The following COPG2 variants were observed in gnomAD, a reference collection of about 807,000 sequenced individuals.
COPG2 encodes the protein coat protein complex I subunit gamma 2.
A neutral mutation model predicts 46.3 loss-of-function variants in COPG2; 37 were observed. That is an observed-to-expected ratio of 0.80 (90% CI 0.61 to 1.05). The LOEUF (loss-of-function observed/expected upper bound fraction) is 1.05, where lower values mean the gene tolerates loss of function less well. Ranked by LOEUF, COPG2 falls within the 50% of genes least tolerant of loss-of-function variation. The pLI, the probability that COPG2 is intolerant of heterozygous loss-of-function variation, is 0.00. For synonymous variants in COPG2, 159 were observed against 129.7 expected, an observed-to-expected ratio of 1.23 and a Z score of -1.53; for missense variants, 427 against 387.8, an observed-to-expected ratio of 1.10 and a Z score of -0.85.
At chr7:130,631,172 C>CTTTTTTTTTTTTTTTTTT (rs55966949) in intron 5 of COPG2, among the ~76,000 whole-genome samples, 1 of 102,338 alleles carries the variant, frequency 9.8e-6, no homozygotes, top group Non-Finnish European at 2.1e-5. Flanking sequence ...TTTTTCTTTT[C>CTTTTTTTTTTTTTTTTTT]TTTTTTTTTT....
chr7:130,637,445 C>G (rs1795365447), intron 5 of COPG2, among the ~76,000 whole-genome samples: 1 of 152,132 alleles, frequency 6.6e-6, no homozygotes, highest in South Asian at 2.1e-4. Flanking sequence ...CTTCTCTAAT[C>G]TTGTCTTCAC....
chr7:130,651,941 T>C (rs935135833), intron 5 of COPG2, among the ~76,000 whole-genome samples: 8 of 152,174 alleles, frequency 5.3e-5, no homozygotes, highest in Non-Finnish European at 1.5e-5. Flanking sequence ...TGAGCCACCA[T>C]GTCTGGCACA....
At position 130,617,040 on chromosome 7, in the gene COPG2, C is replaced by G; in HGVS notation, c.349G>C (p.Glu117Gln). 1 of 1,610,292 alleles carries G rather than the reference C, an allele frequency of 6.2e-7. No homozygotes were observed. Among genetic ancestry groups the G allele is most frequent in the Non-Finnish European group, 8.5e-7 (1 of 1,177,490 alleles). Residue 117 changes from glutamate to glutamine, a missense_variant, in exon 6 of 24, where the codon GAA becomes CAA. Coordinates refer to ENST00000425248, the MANE Select transcript of COPG2 (RefSeq NM_012133.6). ...SSLTKDMTGK[E>Q]DVYRGPAIRA... ...ATGGCCGGGCCTCGGTATACATCTT[C>G]TTTTCCAGTCATGTCTTTAGTCAGA...
At chr7:130,532,135 C>T (rs972221828) in intron 20 of COPG2, among the ~76,000 whole-genome samples, 5 of 152,126 alleles carry the variant, frequency 3.3e-5, no homozygotes, top group African/African-American at 1.2e-4. Context: ...TTGATGGAGG[C>T]ATCAGGGTCA....
chr7:130,616,621 A>G (rs782636819), intron 6 of COPG2, among the ~76,000 whole-genome samples: 4 of 152,134 alleles, frequency 2.6e-5, no homozygotes, highest in Admixed American at 1.3e-4. Flanking sequence ...TCTGCTGTTG[A>G]ATTCTTAAAG....
At position 130,611,111 on chromosome 7, in the gene COPG2, C is replaced by T; in HGVS notation, c.580-1G>A. ...GATACAGGACTCCCAATGCATGGTA[C>T]TAAAGAACATGAAAAAGAAGGTAGC... On this transcript the variant is annotated splice_acceptor_variant, in intron 8 of 23. Coordinates refer to ENST00000425248, the MANE Select transcript of COPG2 (RefSeq NM_012133.6). LOFTEE classifies it high-confidence loss of function. The T allele has an allele frequency of 6.2e-7, 1 of 1,608,286 alleles. No individual in the cohort carries two copies. Among genetic ancestry groups the T allele is most frequent in the Middle Eastern group, 1.7e-4 (1 of 6,034 alleles).
At chr7:130,649,577 T>A (rs1795695466) in intron 5 of COPG2, among the ~76,000 whole-genome samples, 2 of 152,166 alleles carry the variant, frequency 1.3e-5, no homozygotes, top group Non-Finnish European at 2.9e-5. Flanking sequence ...TTTCCTCTAA[T>A]TCCCAACATT....
At chr7:130,560,375 T>C (rs1793699075) in intron 12 of COPG2, among the ~76,000 whole-genome samples, 1 of 152,090 alleles carries the variant, frequency 6.6e-6, no homozygotes. Context: ...ACCATATTCA[T>C]GAAATAGAAA....
At chr7:130,573,502 G>A (rs1793946667) in intron 9 of COPG2, among the ~76,000 whole-genome samples, 1 of 151,764 alleles carries the variant, frequency 6.6e-6, no homozygotes, top group South Asian at 2.1e-4. Flanking sequence ...ATAATTAAGT[G>A]GCATTAATCA....
At chr7:130,620,314 TTCTGACAGGGAACAA>T (rs1450096229) in intron 5 of COPG2, among the ~76,000 whole-genome samples, 1 of 152,116 alleles carries the variant, frequency 6.6e-6, no homozygotes, top group African/African-American at 2.4e-5. Context: ...CAAGCATACA[TTCTGACAGGGAACAA>T]TCTAGTAAAT....
chr7:130,593,830 C>T (rs1338334434), intron 9 of COPG2, among the ~76,000 whole-genome samples: 1 of 151,862 alleles, frequency 6.6e-6, no homozygotes, highest in Non-Finnish European at 1.5e-5. Context: ...AGCTATAATG[C>T]TTATGGAAAA....
intron 5 of COPG2, chr7:130,645,271 TG>T (rs1354212312): frequency 2.8e-5 from 18 of 648,360 alleles, no homozygotes; most frequent in African/African-American, 1.5e-4. Flanking sequence ...AGATATTACC[TG>T]GGGGGCCACA....
chr7:130,552,685 A>G (rs1793551159), intron 14 of COPG2, among the ~76,000 whole-genome samples: 1 of 152,190 alleles, frequency 6.6e-6, no homozygotes, highest in Admixed American at 6.5e-5. Flanking sequence ...TGTAGGAGCT[A>G]TATCTCCACC....
intron 9 of COPG2, chr7:130,607,583 C>A: frequency 2.2e-6 from 1 of 447,450 alleles, no homozygotes; most frequent in Non-Finnish European, 4.4e-6. Context: ...TTTTATCTTA[C>A]AACTACTGCT....
chr7:130,513,325 A>ATGTGTGTGTGTGTGTGTG (rs1447026285), intron 20 of COPG2, among the ~76,000 whole-genome samples: 1,072 of 50,496 alleles, frequency 0.021, 32 homozygotes, highest in African/African-American at 0.051. Context: ...ATATATATAT[A>ATGTGTGTGTGTGTGTGTG]TATATATATA....
At chr7:130,617,626 G>A (rs1554453081) in intron 5 of COPG2, among the ~76,000 whole-genome samples, 1 of 152,106 alleles carries the variant, frequency 6.6e-6, no homozygotes, top group Non-Finnish European at 1.5e-5. Flanking sequence ...GCTTTAAAGA[G>A]GTTTTTAACC....
chr7:130,622,968 A>C (rs1193328252), intron 5 of COPG2, among the ~76,000 whole-genome samples: 1 of 152,208 alleles, frequency 6.6e-6, no homozygotes, highest in African/African-American at 2.4e-5. Flanking sequence ...AATGACCTCT[A>C]TGAGTACGGT....
intron 5 of COPG2, chr7:130,645,239 T>C: frequency 1.4e-6 from 1 of 697,496 alleles, no homozygotes. Flanking sequence ...GAAAGGCTCT[T>C]GTTCATCCAG....
At chr7:130,655,635 G>A (rs1226078618) in intron 4 of COPG2, among the ~76,000 whole-genome samples, 2 of 150,920 alleles carry the variant, frequency 1.3e-5, no homozygotes, top group Admixed American at 1.3e-4. Context: ...TCATAAATTC[G>A]AGCTTTCCTG....
Sources: gnomAD v4.1 joint callset for allele counts (sites outside exome capture counted in the v4.1 genomes callset) on GRCh38, gnomAD v4.1.1 for gene constraint, MANE v1.5 for transcripts, NCBI Gene and HGNC (gene_info 2026-07-23, HGNC 2026-07-21) for gene names.